The following HACD4 variants were observed in gnomAD, a reference collection of about 807,000 sequenced individuals.
HACD4 encodes the protein 3-hydroxyacyl-CoA dehydratase 4.
HACD4 carries 35 observed loss-of-function variants against 33.3 expected under a neutral mutation model. The ratio of observed to expected loss-of-function variants is 1.05; its 90% confidence interval spans 0.80 to 1.39. HACD4 has a LOEUF of 1.39. HACD4 is among the 40% of genes most tolerant of loss of function. The pLI, the probability that HACD4 is intolerant of heterozygous loss-of-function variation, is 0.00. For synonymous variants in HACD4, 118 were observed against 98.0 expected (o/e 1.20, Z -1.21); for missense variants, 323 against 276.5 (o/e 1.17, Z -1.19).
rs1200119134 is a variant in HACD4 at position 21,006,942 on chromosome 9, A to G, written c.*95T>C. On this transcript the variant is annotated 3_prime_UTR_variant, in exon 7 of 7. Coordinates refer to ENST00000495827, the MANE Select transcript of HACD4 (RefSeq NM_001010915.5). The surrounding 1 kb of genome is among the most constrained non-coding windows in gnomAD (Gnocchi z 4.6). The stretch of plus-strand genomic sequence containing the variant: ...TTCATGTAATGGATTTTTATCAAAT[A>G]CAAGGTATTTTTCCACCAGAATACT... 6.3e-6 allele frequency: 5 copies of G among 788,562 alleles called. No homozygotes were observed. Among genetic ancestry groups the G allele is most frequent in the Non-Finnish European group, 1.1e-5 (5 of 438,878 alleles). 48.8% of individuals were successfully genotyped at this position (788,562 alleles called of 1,614,324 possible). A position where few individuals can be genotyped will look rare whatever the true frequency, so the allele number is the denominator to read the frequency against.
At chr9:21,011,187 G>C (rs1471025523) in intron 5 of HACD4, among the ~76,000 whole-genome samples, 1 of 152,202 alleles carries the variant, frequency 6.6e-6, no homozygotes, top group Non-Finnish European at 1.5e-5. Context: ...TGCTGAGAGA[G>C]GGTAGGATAC....
intron 5 of HACD4, among the ~76,000 whole-genome samples, chr9:21,010,056 A>G (rs562337174): frequency 6.6e-6 from 1 of 152,332 alleles, no homozygotes; most frequent in South Asian, 2.1e-4. Flanking sequence ...CAGTAGATAG[A>G]AAATATGTGT....
At chr9:21,018,364 C>T (rs1817815445) in intron 3 of HACD4, among the ~76,000 whole-genome samples, 3 of 152,252 alleles carry the variant, frequency 2.0e-5, no homozygotes, top group Middle Eastern at 6.8e-3. Flanking sequence ...GAATCAACAT[C>T]TAGACAATAC....
At chr9:21,024,339 T>C (rs895874417) in intron 3 of HACD4, among the ~76,000 whole-genome samples, 2 of 152,258 alleles carry the variant, frequency 1.3e-5, no homozygotes, top group Non-Finnish European at 2.9e-5. Flanking sequence ...CACAGTGATC[T>C]CTGACTTATC....
chr9:21,028,552 A>C (rs1025714585), intron 2 of HACD4, among the ~76,000 whole-genome samples: 2 of 152,334 alleles, frequency 1.3e-5, no homozygotes, highest in Admixed American at 1.3e-4. Context: ...TGAAATGATG[A>C]GCACAGCATG....
intron 3 of HACD4, among the ~76,000 whole-genome samples, chr9:21,019,651 T>G (rs7860837): frequency 0.62 from 94,109 of 151,882 alleles, 29,611 homozygotes; most frequent in South Asian, 0.69. Context: ...AAATATAGCT[T>G]TATACTTATC....
intron 3 of HACD4, among the ~76,000 whole-genome samples, chr9:21,020,149 G>A (rs1342779964): frequency 6.6e-6 from 1 of 152,046 alleles, no homozygotes; most frequent in Non-Finnish European, 1.5e-5. Context: ...TCATTTAGGA[G>A]TATTAGTTTT....
At chr9:21,025,036 A>G (rs150625428) in intron 3 of HACD4, among the ~76,000 whole-genome samples, 2 of 152,296 alleles carry the variant, frequency 1.3e-5, no homozygotes, top group Admixed American at 1.3e-4. Context: ...TTGCTCCCAG[A>G]TACTATGTTG....
chr9:21,009,331 T>G (rs1842353698), intron 5 of HACD4, among the ~76,000 whole-genome samples: 1 of 152,124 alleles, frequency 6.6e-6, no homozygotes, highest in Admixed American at 6.6e-5. Flanking sequence ...TATACCTTAT[T>G]TTGTAATTGC....
At chr9:21,020,336 G>A (rs1817875616) in intron 3 of HACD4, among the ~76,000 whole-genome samples, 2 of 152,178 alleles carry the variant, frequency 1.3e-5, no homozygotes, top group Admixed American at 1.3e-4. Context: ...ATCTATTAAG[G>A]GTTTCCTATA....
At chr9:21,023,019 C>T (rs1287553791) in intron 3 of HACD4, among the ~76,000 whole-genome samples, 4 of 152,124 alleles carry the variant, frequency 2.6e-5, no homozygotes, top group Non-Finnish European at 5.9e-5. Context: ...ACATATACAC[C>T]ACCGAATACT....
rs1225103142 is a variant in HACD4 at position 21,002,984 on chromosome 9, T to C, written c.*4053A>G. ...GTTTCTTAACCTGGGGAACATGTAC[T>C]TAAGTAGAAAAAGAAATTACACCTT... is the stretch of plus-strand genomic sequence containing the variant. On this transcript the variant is annotated 3_prime_UTR_variant, in exon 7 of 7. Coordinates refer to ENST00000495827, the MANE Select transcript of HACD4 (RefSeq NM_001010915.5). 1 of 152,172 alleles carries C rather than the reference T, an allele frequency of 6.6e-6. No homozygotes were observed. The highest frequency in any genetic ancestry group is 1.9e-4 in the East Asian group (1 of 5,194). 9.4% of individuals were successfully genotyped at this position (152,172 alleles called of 1,614,324 possible). A position where few individuals can be genotyped will look rare whatever the true frequency, so the allele number is the denominator to read the frequency against.
chr9:21,007,168 C>G (rs1031047076), intron 6 of HACD4, 49 bp from the exon 7 acceptor site: 1 of 954,152 alleles, frequency 1.0e-6, no homozygotes, highest in Admixed American at 1.7e-5. Context: ...AACTATTTCT[C>G]TGGAAGAAAC....
At chr9:21,011,507 T>G (rs1842434835) in intron 5 of HACD4, 82 bp downstream of exon 5, 2 of 827,306 alleles carry the variant, frequency 2.4e-6, no homozygotes, top group East Asian at 2.5e-5. Context: ...AAATAGTAAT[T>G]TAATCATCAA....
chr9:21,023,811 G>A (rs1218404596), intron 3 of HACD4, among the ~76,000 whole-genome samples: 2 of 152,074 alleles, frequency 1.3e-5, no homozygotes, highest in Non-Finnish European at 2.9e-5. Context: ...TCTTGACCTC[G>A]TGATCCGACC....
At chr9:21,031,408 G>A (rs1471052647) in intron 1 of HACD4, 145 bp downstream of exon 1, 7 of 1,293,568 alleles carry the variant, frequency 5.4e-6, no homozygotes, top group African/African-American at 1.6e-5. Context: ...ACCTGCATGA[G>A]CTCCAAGGGG....
chr9:21,013,842 T>G lies in HACD4; in HGVS notation c.383+2056A>C, dbSNP rs915674951. Among the ~76,000 whole-genome samples, 12 of 152,336 alleles carry G rather than the reference T, an allele frequency of 7.9e-5. No individual in the cohort carries two copies. The South Asian group carries it at 8.3e-4, about 11-fold the overall frequency. On this transcript the variant is annotated intron_variant, in intron 4 of 6. Transcript: ENST00000495827. ...AATTCATTTTTACATATTGATAATT[T>G]TTTATGTATAAGATGTCATCTGCCA...
chr9:21,013,129 G>A (rs1475342371), intron 4 of HACD4, among the ~76,000 whole-genome samples: 1 of 138,168 alleles, frequency 7.2e-6, no homozygotes, highest in East Asian at 2.0e-4. Context: ...TTTTTCTTTT[G>A]TTGTGTACCT....
Position 21,021,553 on chromosome 9 carries a change from G to A in HACD4, c.270+5043C>T, listed in dbSNP as rs553068980. 9.9e-5 allele frequency among the ~76,000 whole-genome samples: 15 copies of A among 152,194 alleles called. No individual in the cohort carries two copies. In the East Asian group the frequency reaches 1.7e-3, roughly 18 times the overall value. On this transcript the variant is annotated intron_variant, in intron 3 of 6. Transcript: ENST00000495827. Reference sequence around the variant, plus strand: ...AAGTCTCAGGATACAGAATCAATGCGCAAAACTCACAAGCATTCCTATATA... The same window carrying A: ...AAGTCTCAGGATACAGAATCAATGCACAAAACTCACAAGCATTCCTATATA...
Sources: gnomAD v4.1 joint callset for allele counts (sites outside exome capture counted in the v4.1 genomes callset) on GRCh38, gnomAD v4.1.1 for gene constraint, Gnocchi (gnomAD v3.1) non-coding constraint, MANE v1.5 for transcripts, NCBI Gene and HGNC (gene_info 2026-07-23, HGNC 2026-07-21) for gene names.